The following THSD7B variants were observed in gnomAD, a reference collection of about 807,000 sequenced individuals.
THSD7B encodes thrombospondin type-1 domain-containing protein 7B.
A neutral mutation model predicts 213.6 loss-of-function variants in THSD7B; 138 were observed. The ratio of observed to expected loss-of-function variants is 0.65; its 90% confidence interval spans 0.56 to 0.74. The LOEUF (loss-of-function observed/expected upper bound fraction) is 0.74. Ranked by LOEUF, THSD7B falls within the 30% of genes least tolerant of loss-of-function variation. THSD7B has a pLI of 0.00. For missense variants in THSD7B, 1,931 were observed against 1,991.5 expected (o/e 0.97, Z 0.58); for synonymous variants, 742 against 687.0 (o/e 1.08, Z -1.25).
chr2:137,036,130 T>G (rs1236458878), intron 2 of THSD7B, among the ~76,000 whole-genome samples: 4 of 152,208 alleles, frequency 2.6e-5, no homozygotes, highest in African/African-American at 9.6e-5. Flanking sequence ...AAATACATTA[T>G]CATGAATGCT....
intron 10 of THSD7B, among the ~76,000 whole-genome samples, chr2:137,268,512 C>T (rs1349042774): frequency 6.6e-6 from 1 of 152,230 alleles, no homozygotes; most frequent in East Asian, 1.9e-4. Flanking sequence ...ATTCATGCCT[C>T]CCTTTTTAGA....
At chr2:137,472,489 CAA>C in intron 15 of THSD7B, among the ~76,000 whole-genome samples, 1 of 151,810 alleles carries the variant, frequency 6.6e-6, no homozygotes, top group Non-Finnish European at 1.5e-5. Context: ...TATTTCAAAA[CAA>C]AAAAAATTAA....
At chr2:137,473,826 T>A (rs2105095908) in intron 15 of THSD7B, among the ~76,000 whole-genome samples, 2 of 152,354 alleles carry the variant, frequency 1.3e-5, no homozygotes, top group South Asian at 4.2e-4. Context: ...GTAGGCTTTC[T>A]GAAATTGTCT....
At chr2:137,538,025 A>G (rs1680538550) in intron 15 of THSD7B, among the ~76,000 whole-genome samples, 1 of 151,762 alleles carries the variant, frequency 6.6e-6, no homozygotes, top group East Asian at 1.9e-4. Flanking sequence ...GACAAGTGTC[A>G]TGGGATCCAC....
intron 5 of THSD7B, among the ~76,000 whole-genome samples, chr2:137,154,497 A>C: frequency 6.6e-6 from 1 of 152,310 alleles, no homozygotes; most frequent in Middle Eastern, 3.4e-3. Context: ...ATACATGGTT[A>C]TTAATTATAA....
At chr2:137,057,313 C>A in intron 3 of THSD7B, 83 bp downstream of exon 3, 1 of 1,327,138 alleles carries the variant, frequency 7.5e-7, no homozygotes, top group Non-Finnish European at 1.0e-6. Context: ...TGATTTTCTA[C>A]AAAGCGAAAA....
chr2:137,505,333 G>A (rs1194084553), intron 15 of THSD7B, among the ~76,000 whole-genome samples: 2 of 152,212 alleles, frequency 1.3e-5, no homozygotes, highest in Non-Finnish European at 2.9e-5. Context: ...TCTGGGGAGG[G>A]ACATGAGCTT....
chr2:137,306,384 A>G (rs768312779), intron 12 of THSD7B, among the ~76,000 whole-genome samples: 16 of 151,932 alleles, frequency 1.1e-4, no homozygotes, highest in Non-Finnish European at 8.8e-5. Flanking sequence ...ACATTATAAA[A>G]CCATCACACT....
intron 1 of THSD7B, among the ~76,000 whole-genome samples, chr2:136,795,341 C>T (rs542032964): frequency 1.0e-3 from 159 of 152,042 alleles, no homozygotes; most frequent in Admixed American, 3.1e-3. Context: ...GGCTTCCTTA[C>T]GTTGCATCCA....
At chr2:137,663,354 T>G (rs377314006) in intron 25 of THSD7B, 29 bp from the exon 26 acceptor site, 74 of 1,497,816 alleles carry the variant, frequency 4.9e-5, no homozygotes, top group Non-Finnish European at 6.6e-5. Context: ...ACTCACTGTG[T>G]AACCATAAAA....
chr2:137,665,307 A>G (rs986605620), intron 26 of THSD7B, among the ~76,000 whole-genome samples: 3 of 152,122 alleles, frequency 2.0e-5, no homozygotes, highest in Non-Finnish European at 4.4e-5. Flanking sequence ...CCTTTTATCC[A>G]TGGATGGAAT....
intron 11 of THSD7B, among the ~76,000 whole-genome samples, chr2:137,274,818 A>G (rs182089928): frequency 6.6e-6 from 1 of 152,166 alleles, no homozygotes; most frequent in African/African-American, 2.4e-5. Context: ...GTATAAAGTA[A>G]ATTTATAACA....
intron 17 of THSD7B, among the ~76,000 whole-genome samples, chr2:137,576,800 C>T (rs1681471745): frequency 6.6e-6 from 1 of 150,908 alleles, no homozygotes; most frequent in South Asian, 2.1e-4. Context: ...AAAACACCCC[C>T]CCCCCTTTTT....
intron 6 of THSD7B, among the ~76,000 whole-genome samples, chr2:137,162,765 T>C (rs1271727401): frequency 6.6e-6 from 1 of 151,802 alleles, no homozygotes; most frequent in Non-Finnish European, 1.5e-5. Context: ...ACTTTCCATT[T>C]CCCTTTCCCC....
intron 2 of THSD7B, among the ~76,000 whole-genome samples, chr2:136,944,698 G>A (rs1573725486): frequency 6.9e-6 from 1 of 145,206 alleles, no homozygotes; most frequent in East Asian, 2.1e-4. Flanking sequence ...CATAAACTAG[G>A]ATTGCAACCC....
rs922361267 is a variant in THSD7B at position 137,076,817 on chromosome 2, G to GT, written c.951-18047dup. The stretch of plus-strand genomic sequence containing the variant: ...TACAGATACAGTATATTGTTTATTT[G>GT]TTTTTTTTTAATCTTTTTTTATTAT... On this transcript the variant is annotated intron_variant, in intron 3 of 27. Coordinates refer to ENST00000409968, the MANE Select transcript of THSD7B (RefSeq NM_001316349.2). Among the ~76,000 whole-genome samples, 43 of 151,072 alleles carry GT rather than the reference G, an allele frequency of 2.8e-4. 1 individual carries two copies. The highest frequency in any genetic ancestry group is 2.1e-3 in the South Asian group (10 of 4,758).
intron 12 of THSD7B, among the ~76,000 whole-genome samples, chr2:137,357,265 A>C (rs547877309): frequency 1.3e-5 from 2 of 152,292 alleles, no homozygotes; most frequent in South Asian, 2.1e-4. Context: ...TCTATGCTTC[A>C]AAGATATATT....
chr2:137,514,002 C>T (rs1402312388), intron 15 of THSD7B, among the ~76,000 whole-genome samples: 1 of 152,138 alleles, frequency 6.6e-6, no homozygotes, highest in Non-Finnish European at 1.5e-5. Flanking sequence ...TTTCTCTTTT[C>T]TTGACCCTGT....
intron 10 of THSD7B, among the ~76,000 whole-genome samples, chr2:137,257,831 G>C (rs981537032): frequency 1.3e-5 from 2 of 152,122 alleles, no homozygotes; most frequent in African/African-American, 4.8e-5. Flanking sequence ...GTTCATTTTT[G>C]TTACAGGCAA....
Sources: allele counts gnomAD v4.1 joint callset (sites outside exome capture counted in the v4.1 genomes callset), GRCh38; gene constraint gnomAD v4.1.1; transcripts MANE v1.5; gene names NCBI Gene and HGNC (gene_info 2026-07-23, HGNC 2026-07-21).